SLC16A7: variants seen among roughly 807,000 people sequenced by gnomAD.
SLC16A7 encodes monocarboxylate transporter 2.
Under a neutral mutation model 34.9 loss-of-function variants are expected in SLC16A7, and 33 were observed. The ratio of observed to expected loss-of-function variants is 0.94; its 90% confidence interval spans 0.72 to 1.26. SLC16A7 has a LOEUF of 1.26. Ranked by LOEUF, SLC16A7 falls within the 50% of genes most tolerant of loss-of-function variation. The pLI is 0.00. For missense variants in SLC16A7, 573 were observed against 578.1 expected (o/e 0.99, Z 0.09); for synonymous variants, 201 against 206.6 (o/e 0.97, Z 0.23).
chr12:59,754,558 A>G (rs1880046231), intron 3 of SLC16A7, among the ~76,000 whole-genome samples: 1 of 152,336 alleles, frequency 6.6e-6, no homozygotes, highest in Admixed American at 6.5e-5. Context: ...CTAAACCAGG[A>G]AGAAGTTGAG....
chr12:59,787,143 A>G lies in SLC16A7; in HGVS notation c.*7464A>G, dbSNP rs569023808. On this transcript the variant is annotated 3_prime_UTR_variant, in exon 6 of 6. Coordinates refer to ENST00000547379, the MANE Select transcript of SLC16A7 (RefSeq NM_001270623.2). ...ATCTCATTAATTCCTTTTTTATTTT[A>G]TGTTCCTTTTTATTTTAGAAGCAGT... 1.3e-5 allele frequency: 2 copies of G among 152,096 alleles called. No homozygotes were observed. The highest frequency in any genetic ancestry group is 2.9e-5 in the Non-Finnish European group (2 of 67,982). 9.4% of individuals were successfully genotyped at this position (152,096 alleles called of 1,614,324 possible). A position where few individuals can be genotyped will look rare whatever the true frequency, so the allele number is the denominator to read the frequency against.
chr12:59,622,272 G>A (rs939949783), intron 1 of SLC16A7, among the ~76,000 whole-genome samples: 6 of 151,724 alleles, frequency 4.0e-5, no homozygotes, highest in South Asian at 2.1e-4. Context: ...CTGAAAAAAC[G>A]TAGGTTGTTG....
chr12:59,599,480 A>G (rs901223278), intron 1 of SLC16A7, among the ~76,000 whole-genome samples: 1 of 152,216 alleles, frequency 6.6e-6, no homozygotes, highest in Non-Finnish European at 1.5e-5. Context: ...GACCTACTCA[A>G]GGTGGACCAG....
intron 4 of SLC16A7, among the ~76,000 whole-genome samples, chr12:59,771,872 T>C (rs1275378040): frequency 6.6e-6 from 1 of 152,136 alleles, no homozygotes; most frequent in Non-Finnish European, 1.5e-5. Context: ...TCATTAACCG[T>C]GTTCCTTCTT....
In SLC16A7 at chr12:59,670,786, G is replaced by T. The variant is rs145423015; in HGVS notation, c.-31+15536G>T. 2.5e-3 allele frequency among the ~76,000 whole-genome samples: 374 copies of T among 152,304 alleles called. 1 individual carries two copies. The highest frequency in any genetic ancestry group is 8.5e-3 in the African/African-American group (354 of 41,578). On this transcript the variant is annotated intron_variant, in intron 2 of 5. Coordinates refer to ENST00000547379, the MANE Select transcript of SLC16A7 (RefSeq NM_001270623.2). ...TTAGGTTGCAAGGCTTGGCAATCAT[G>T]ATCTGTGGCTCAGTACCTTGTCTTC...
rs555084597 is a variant in SLC16A7, at chr12:59,759,040, T to C, written c.218-12179T>C. Among the ~76,000 whole-genome samples the C allele has an allele frequency of 4.1e-4, 62 of 152,140 alleles. 1 individual carries two copies. Among genetic ancestry groups the C allele is most frequent in the Middle Eastern group, 6.8e-3 (2 of 294 alleles). On this transcript the variant is annotated intron_variant, in intron 3 of 5. Transcript: ENST00000547379. ...TTTTTTCTATTTAAGGAAAGACATG[T>C]ACATTCTGAAACTGGACATATATTA...
chr12:59,743,507 T>A (rs1878557318), intron 3 of SLC16A7, among the ~76,000 whole-genome samples: 1 of 152,196 alleles, frequency 6.6e-6, no homozygotes, highest in South Asian at 2.1e-4. Flanking sequence ...ACTATCTTGT[T>A]CATCATAATC....
intron 5 of SLC16A7, among the ~76,000 whole-genome samples, chr12:59,777,897 G>A (rs1413641200): frequency 2.7e-5 from 4 of 146,838 alleles, no homozygotes; most frequent in Non-Finnish European, 5.9e-5. Flanking sequence ...GTGAGAATAT[G>A]CAGTGTTTGG....
chr12:59,660,990 T>C (rs1868818895), intron 2 of SLC16A7, among the ~76,000 whole-genome samples: 1 of 152,098 alleles, frequency 6.6e-6, no homozygotes, highest in South Asian at 2.1e-4. Flanking sequence ...AAAATACCTA[T>C]TCTACTATAA....
At chr12:59,622,622 G>GT (rs1361208649) in intron 1 of SLC16A7, among the ~76,000 whole-genome samples, 2 of 151,570 alleles carry the variant, frequency 1.3e-5, no homozygotes, top group Admixed American at 6.6e-5. Context: ...TTACTTTGTG[G>GT]TTTTTTGTTT....
intron 1 of SLC16A7, among the ~76,000 whole-genome samples, chr12:59,621,776 G>A (rs977401980): frequency 2.6e-5 from 4 of 151,630 alleles, no homozygotes; most frequent in Admixed American, 2.0e-4. Context: ...TCATGTCTAC[G>A]GTTTTATTTA....
chr12:59,680,807 T>G (rs1456241247), intron 2 of SLC16A7, among the ~76,000 whole-genome samples: 2 of 152,192 alleles, frequency 1.3e-5, no homozygotes, highest in East Asian at 1.9e-4. Flanking sequence ...TGGAGTTAGG[T>G]TGATAGTAAT....
chr12:59,740,228 G>T (rs1308544228), intron 3 of SLC16A7, among the ~76,000 whole-genome samples: 1 of 151,728 alleles, frequency 6.6e-6, no homozygotes, highest in African/African-American at 2.4e-5. Flanking sequence ...TGTATAAGGT[G>T]TAAGGAAGGG....
intron 2 of SLC16A7, among the ~76,000 whole-genome samples, chr12:59,690,550 T>G (rs1871528908): frequency 6.6e-6 from 1 of 151,906 alleles, no homozygotes; most frequent in South Asian, 2.1e-4. Context: ...AAGGGCCAGT[T>G]ATGTGGAGAT....
At chr12:59,683,995 G>T (rs753011441) in intron 2 of SLC16A7, among the ~76,000 whole-genome samples, 17 of 152,184 alleles carry the variant, frequency 1.1e-4, no homozygotes, top group Non-Finnish European at 1.8e-4. Flanking sequence ...CTTTAGGAAA[G>T]AATTTATTCA....
chr12:59,683,406 A>G (rs1003349014), intron 2 of SLC16A7, among the ~76,000 whole-genome samples: 2 of 152,164 alleles, frequency 1.3e-5, no homozygotes, highest in Non-Finnish European at 2.9e-5. Flanking sequence ...GGAAACTGAA[A>G]GTGAGACAGT....
Position 59,596,750 on chromosome 12 carries a change from G to T in SLC16A7, c.-130+514G>T, listed in dbSNP as rs1210417145. 6.6e-6 allele frequency among the ~76,000 whole-genome samples: 1 copy of T among 152,196 alleles called. No homozygotes were observed. The highest frequency in any genetic ancestry group is 1.5e-5 in the Non-Finnish European group (1 of 68,016). On this transcript the variant is annotated intron_variant, in intron 1 of 5. Coordinates refer to ENST00000547379, the MANE Select transcript of SLC16A7 (RefSeq NM_001270623.2). The surrounding 1 kb of genome is among the most constrained non-coding windows in gnomAD (Gnocchi z 5.0). ...CGGGGGTGGAGTGTGTGGAGAGAACGTCTTCTCTTTGAGCAGATGATCAGG... is the reference window on the plus strand; with the variant it reads ...CGGGGGTGGAGTGTGTGGAGAGAACTTCTTCTCTTTGAGCAGATGATCAGG...
chr12:59,655,037 C>A (rs1044450140), intron 1 of SLC16A7, 115 bp from the exon 2 acceptor site: 1 of 151,888 alleles, frequency 6.6e-6, no homozygotes, highest in East Asian at 1.9e-4. Flanking sequence ...TTTCAGCCAG[C>A]AATAGAAAGC....
chr12:59,642,545 G>A (rs2137007828), intron 1 of SLC16A7, among the ~76,000 whole-genome samples: 1 of 152,190 alleles, frequency 6.6e-6, no homozygotes, highest in African/African-American at 2.4e-5. Flanking sequence ...CACAGTAAAT[G>A]TACATTGCAT....
Sources: gnomAD v4.1 joint callset for allele counts (sites outside exome capture counted in the v4.1 genomes callset) on GRCh38, gnomAD v4.1.1 for gene constraint, Gnocchi (gnomAD v3.1) non-coding constraint, MANE v1.5 for transcripts, NCBI Gene and HGNC (gene_info 2026-07-23, HGNC 2026-07-21) for gene names.